Variants in PTPRN2 observed in about 807,000 individuals in gnomAD.
PTPRN2 encodes receptor-type tyrosine-protein phosphatase N2.
PTPRN2 carries 74 observed loss-of-function variants against 118.8 expected under a neutral mutation model. The ratio of observed to expected loss-of-function variants is 0.62; its 90% CI spans 0.52 to 0.76. PTPRN2 has a LOEUF of 0.76. Ranked by LOEUF, PTPRN2 falls within the 30% of genes least tolerant of loss-of-function variation. The pLI, the probability that PTPRN2 is intolerant of heterozygous loss-of-function variation, is 0.00. For synonymous variants in PTPRN2, 641 were observed against 608.0 expected (o/e 1.05, Z -0.80); for missense variants, 1,481 against 1,394.4 (o/e 1.06, Z -0.99).
intron 12 of PTPRN2, among the ~76,000 whole-genome samples, chr7:157,858,158 C>T (rs1407276875): frequency 6.0e-4 from 21 of 34,718 alleles, no homozygotes; most frequent in East Asian, 1.5e-3. Context: ...CGTCACCACC[C>T]ACACTCCTGC....
chr7:158,288,086 GAA>G (rs2151015217), intron 3 of PTPRN2, among the ~76,000 whole-genome samples: 1 of 152,146 alleles, frequency 6.6e-6, no homozygotes, highest in African/African-American at 2.4e-5. Context: ...TTTATGACAT[GAA>G]GTCTATTTTA....
At chr7:158,114,508 G>A (rs138885021) in intron 9 of PTPRN2, among the ~76,000 whole-genome samples, 202 of 152,302 alleles carry the variant, frequency 1.3e-3, no homozygotes, top group African/African-American at 3.8e-3. Flanking sequence ...GACGTGCCGC[G>A]GGAATGCTCT....
intron 12 of PTPRN2, among the ~76,000 whole-genome samples, chr7:157,824,576 C>T (rs750600812): frequency 6.6e-5 from 10 of 152,326 alleles, no homozygotes; most frequent in East Asian, 3.9e-4. Context: ...GAACTCTGGA[C>T]TGTTGGCAAC....
chr7:157,736,517 G>A (rs375727638), intron 12 of PTPRN2, among the ~76,000 whole-genome samples: 5 of 152,160 alleles, frequency 3.3e-5, no homozygotes, highest in Admixed American at 1.3e-4. Flanking sequence ...CCACAAGCCC[G>A]GGAGAGAGGT....
chr7:158,564,226 T>C (rs942736764), intron 1 of PTPRN2, among the ~76,000 whole-genome samples: 1 of 151,936 alleles, frequency 6.6e-6, no homozygotes, highest in Non-Finnish European at 1.5e-5. Flanking sequence ...CTCTTGCTTA[T>C]GAAAAATCAA....
intron 12 of PTPRN2, among the ~76,000 whole-genome samples, chr7:157,687,567 T>C (rs1797260449): frequency 6.6e-6 from 1 of 152,252 alleles, no homozygotes; most frequent in Non-Finnish European, 1.5e-5. Flanking sequence ...CCTATCTTTG[T>C]GTGCATTTAA....
intron 21 of PTPRN2, among the ~76,000 whole-genome samples, chr7:157,566,543 C>CA (rs758203940): frequency 2.4e-4 from 36 of 152,344 alleles, no homozygotes; most frequent in East Asian, 1.4e-3. Flanking sequence ...TCACACCGCA[C>CA]ACACCCCAGG....
intron 2 of PTPRN2, among the ~76,000 whole-genome samples, chr7:158,448,583 G>A (rs116105377): frequency 0.012 from 1,857 of 152,294 alleles, 42 homozygotes; most frequent in African/African-American, 0.038. Flanking sequence ...GCCCCTCAGC[G>A]GGAGGGCCGT....
intron 3 of PTPRN2, among the ~76,000 whole-genome samples, chr7:158,243,012 C>T (rs1795984730): frequency 6.6e-6 from 1 of 152,190 alleles, no homozygotes; most frequent in South Asian, 2.1e-4. Flanking sequence ...GGCTATTTGA[C>T]TTGTTTCTTC....
intron 2 of PTPRN2, among the ~76,000 whole-genome samples, chr7:158,327,371 ACACATTAT>A (rs1803711014): frequency 7.6e-6 from 1 of 130,878 alleles, no homozygotes; most frequent in African/African-American, 2.6e-5. Context: ...ATTGTCACAC[ACACATTAT>A]CACATGCACA....
intron 3 of PTPRN2, among the ~76,000 whole-genome samples, chr7:158,224,665 C>A (rs1232676235): frequency 6.6e-6 from 1 of 152,114 alleles, no homozygotes; most frequent in African/African-American, 2.4e-5. Flanking sequence ...GAAGCTAGAG[C>A]TAGGCAAAAA....
At chr7:158,127,383 T>A (rs895113615) in intron 9 of PTPRN2, among the ~76,000 whole-genome samples, 12 of 151,876 alleles carry the variant, frequency 7.9e-5, no homozygotes, top group African/African-American at 2.7e-4. Context: ...GCCCCGTTCA[T>A]CTCTCCACAG....
Position 158,205,342 on chromosome 7 carries a change from C to T in PTPRN2, c.278-69G>A, listed in dbSNP as rs1585845155. 5 of 1,150,164 alleles carry T rather than the reference C, an allele frequency of 4.3e-6. No homozygotes were observed. In the East Asian group the frequency reaches 1.2e-4, roughly 28 times the overall value. The allele number at this position is 1,150,164 out of a possible 1,614,324, so 71.2% of individuals were successfully genotyped here. On this transcript the variant is annotated intron_variant, in intron 3 of 22. Transcript: ENST00000389418. The stretch of plus-strand genomic sequence containing the variant: ...TTAGCCAAAGCTCTTGCTTCAGTCT[C>T]ACAATTAGTTGCATTTCAGCATTAA...
At position 157,801,356 on chromosome 7, in the gene PTPRN2, C is replaced by T. The variant is rs191044395; in HGVS notation, c.1788+97317G>A. 6.6e-4 allele frequency among the ~76,000 whole-genome samples: 101 copies of T among 152,282 alleles called. No individual in the cohort carries two copies. Among genetic ancestry groups the T allele is most frequent in the African/African-American group, 2.3e-3 (97 of 41,540 alleles). ...CCTCATCCACGGAGCACTGCTTTGC[C>T]GTCTCCAGAAAGAGCTGTCGAGGTT... On this transcript the variant is annotated intron_variant, in intron 12 of 22. Coordinates refer to ENST00000389418, the MANE Select transcript of PTPRN2 (RefSeq NM_002847.5). This position sits in a 1 kb window ranked among gnomAD's most constrained non-coding sequence, Gnocchi z 4.2.
At chr7:157,926,332 G>A (rs10229251) in intron 11 of PTPRN2, among the ~76,000 whole-genome samples, 1,762 of 149,236 alleles carry the variant, frequency 0.012, 26 homozygotes, top group African/African-American at 0.042. Flanking sequence ...CATGCGTCAC[G>A]TCCCTCTGTC....
rs78616473 is a variant in PTPRN2 at position 158,546,047 on chromosome 7, G to A, written c.112+41511C>T. 1.6e-3 allele frequency among the ~76,000 whole-genome samples: 249 copies of A among 152,294 alleles called. 8 individuals carry two copies. In the East Asian group the frequency reaches 0.031, roughly 19 times the overall value. ...TACAGGACTTTCAAAATTCCAGGAGGTAATTTACCTCCAGCAAGGGCTGGA... is the reference window on the plus strand; with the variant it reads ...TACAGGACTTTCAAAATTCCAGGAGATAATTTACCTCCAGCAAGGGCTGGA... On this transcript the variant is annotated intron_variant, in intron 1 of 22. Transcript: ENST00000389418. The surrounding 1 kb of genome is among the most constrained non-coding windows in gnomAD (Gnocchi z 5.0).
chr7:157,687,578 A>G lies in PTPRN2; in HGVS notation c.1789-4641T>C, dbSNP rs1797260719. 5.3e-5 allele frequency among the ~76,000 whole-genome samples: 8 copies of G among 152,226 alleles called. No individual in the cohort carries two copies. The South Asian group carries it at 1.7e-3, about 32-fold the overall frequency. The stretch of plus-strand genomic sequence containing the variant: ...TCATCCTATCTTTGTGTGCATTTAA[A>G]TTACTAAATTATAAATACCTTTTTC... On this transcript the variant is annotated intron_variant, in intron 12 of 22. Coordinates refer to ENST00000389418, the MANE Select transcript of PTPRN2 (RefSeq NM_002847.5).
At chr7:158,018,966 CAA>C (rs753498681) in intron 11 of PTPRN2, among the ~76,000 whole-genome samples, 427 of 65,824 alleles carry the variant, frequency 6.5e-3, no homozygotes, top group African/African-American at 0.021. Flanking sequence ...GTTTCAAAAA[CAA>C]AAAAAAAAAA....
chr7:158,002,943 G>A (rs1805378604), intron 11 of PTPRN2, among the ~76,000 whole-genome samples: 1 of 152,192 alleles, frequency 6.6e-6, no homozygotes, highest in African/African-American at 2.4e-5. Flanking sequence ...CCTGGCCGGG[G>A]TTTGGCAGCA....
Sources: allele counts gnomAD v4.1 joint callset (sites outside exome capture counted in the v4.1 genomes callset), GRCh38; gene constraint gnomAD v4.1.1; non-coding constraint Gnocchi (gnomAD v3.1); transcripts MANE v1.5; gene names NCBI Gene and HGNC (gene_info 2026-07-23, HGNC 2026-07-21).